ARNT: variants seen among roughly 807,000 people sequenced by gnomAD.
The protein encoded by ARNT is aryl hydrocarbon receptor nuclear translocator, also known as class E basic helix-loop-helix protein 2.
A neutral mutation model predicts 105.0 loss-of-function variants in ARNT; 30 were observed. That is an observed-to-expected ratio of 0.29 (90% CI 0.21 to 0.39). The LOEUF is 0.39. Among genes scored for constraint, ARNT ranks in the 10% least tolerant of loss-of-function variants. ARNT has a pLI of 1.00. For missense variants in ARNT, 748 were observed against 978.7 expected (o/e 0.76, Z 3.15); for synonymous variants, 304 against 344.0 (o/e 0.88, Z 1.29).
At chr1:150,871,944 T>G in intron 1 of ARNT, among the ~76,000 whole-genome samples, 1 of 114,046 alleles carries the variant, frequency 8.8e-6, no homozygotes. Context: ...GCCTTTGCAA[T>G]ATAATAAAAT....
At chr1:150,854,541 G>A (rs971919683) in intron 2 of ARNT, among the ~76,000 whole-genome samples, 1 of 151,550 alleles carries the variant, frequency 6.6e-6, no homozygotes, top group Admixed American at 6.6e-5. Context: ...CAACCTCAGT[G>A]ACATGGCAAG....
chr1:150,834,419 TGG>T, intron 8 of ARNT, 117 bp downstream of exon 8: 1 of 912,440 alleles, frequency 1.1e-6, no homozygotes, highest in South Asian at 1.6e-5. Flanking sequence ...ACAATCCATC[TGG>T]GTATGGAGAG....
intron 1 of ARNT, among the ~76,000 whole-genome samples, chr1:150,863,501 A>G (rs1042019067): frequency 1.3e-5 from 2 of 152,072 alleles, no homozygotes; most frequent in Non-Finnish European, 2.9e-5. Context: ...CCCATGGGGA[A>G]GTTTCAAAAA....
At chr1:150,842,935 G>A (rs3768013) in intron 4 of ARNT, among the ~76,000 whole-genome samples, 63,797 of 151,788 alleles carry the variant, frequency 0.42, 13,831 homozygotes, top group South Asian at 0.54. Flanking sequence ...CTATAATGAA[G>A]AAATTAAAGA....
intron 12 of ARNT, among the ~76,000 whole-genome samples, chr1:150,828,232 TCTCCTAGG>T (rs1299066388): frequency 6.6e-6 from 1 of 152,098 alleles, no homozygotes; most frequent in African/African-American, 2.4e-5. Flanking sequence ...ACAAAGATTT[TCTCCTAGG>T]AGTTTATTTG....
chr1:150,813,448 C>T, intron 20 of ARNT, 110 bp from the exon 21 acceptor site: 2 of 1,094,048 alleles, frequency 1.8e-6, no homozygotes, highest in Non-Finnish European at 2.5e-6. Context: ...CCTAGGATAA[C>T]TCTGTCCTTC....
At position 150,876,547 on chromosome 1, in the gene ARNT, GT is replaced by G; in HGVS notation, c.20del (p.Asn7ThrfsTer4). The stretch of plus-strand genomic sequence containing the variant: ...CCCAGTCCTCCGTCTCCTCACCGGG[GT>G]TGGCAGTAGTCGCCGCCATGGCCGC... MAATTANPEMTSDVPSL... is the reference protein window; with the variant it reads MAATTAXPEMTSDVPSL... On this transcript the variant is annotated frameshift_variant, in exon 1 of 22. Transcript: ENST00000358595. LOFTEE classifies it high-confidence loss of function. 1 of 1,550,572 alleles carries G rather than the reference GT, an allele frequency of 6.4e-7. No individual in the cohort carries two copies. Among genetic ancestry groups the G allele is most frequent in the Non-Finnish European group, 8.7e-7 (1 of 1,147,762 alleles).
intron 5 of ARNT, among the ~76,000 whole-genome samples, chr1:150,841,640 GA>G (rs1661321288): frequency 6.6e-6 from 1 of 152,174 alleles, no homozygotes; most frequent in South Asian, 2.1e-4. Context: ...CTAGAAAACA[GA>G]AAAGTCTATG....
At chr1:150,838,623 T>C (rs1398399923) in intron 6 of ARNT, among the ~76,000 whole-genome samples, 1 of 152,246 alleles carries the variant, frequency 6.6e-6, no homozygotes, top group Non-Finnish European at 1.5e-5. Flanking sequence ...ATTAAATTGG[T>C]GGCATTAAGG....
chr1:150,838,465 T>C (rs1035674308), intron 6 of ARNT, among the ~76,000 whole-genome samples: 2 of 152,242 alleles, frequency 1.3e-5, no homozygotes, highest in South Asian at 2.1e-4. Context: ...CTGGAGTCTG[T>C]TGAATACTTG....
At chr1:150,823,069 AC>A in intron 14 of ARNT, 124 bp downstream of exon 14, 1 of 973,716 alleles carries the variant, frequency 1.0e-6, no homozygotes, top group Non-Finnish European at 1.4e-6. Context: ...GGCACATGCC[AC>A]CACGCCCGGC....
chr1:150,864,133 T>A (rs1325188526), intron 1 of ARNT, among the ~76,000 whole-genome samples: 3 of 152,226 alleles, frequency 2.0e-5, no homozygotes, highest in Non-Finnish European at 4.4e-5. Flanking sequence ...TGTAGGCAAC[T>A]ATAACTCAGT....
At chr1:150,841,171 C>T (rs1432679291) in intron 5 of ARNT, among the ~76,000 whole-genome samples, 1 of 150,952 alleles carries the variant, frequency 6.6e-6, no homozygotes, top group Non-Finnish European at 1.5e-5. Flanking sequence ...AGGATATTCT[C>T]CATCTCTTGA....
chr1:150,835,471 C>A (rs1202943484), intron 7 of ARNT, among the ~76,000 whole-genome samples: 1 of 152,064 alleles, frequency 6.6e-6, no homozygotes, highest in East Asian at 1.9e-4. Flanking sequence ...AGTGTGGTGA[C>A]ATGAACTACT....
chr1:150,825,859 A>C (rs72704639), intron 13 of ARNT, among the ~76,000 whole-genome samples: 61,611 of 150,038 alleles, frequency 0.41, 13,113 homozygotes, highest in South Asian at 0.53. Context: ...AAAAAAAAAA[A>C]ACTATATAAA....
At chr1:150,848,958 C>T (rs1278419414) in intron 3 of ARNT, among the ~76,000 whole-genome samples, 1 of 152,152 alleles carries the variant, frequency 6.6e-6, no homozygotes, top group Non-Finnish European at 1.5e-5. Context: ...AATCCCAGCA[C>T]TTTGGGAGGC....
chr1:150,822,411 G>A (rs2101696632), intron 14 of ARNT, among the ~76,000 whole-genome samples: 1 of 152,164 alleles, frequency 6.6e-6, no homozygotes, highest in South Asian at 2.1e-4. Flanking sequence ...AGGGGAGCCG[G>A]TACCTAAGGT....
At chr1:150,872,967 G>GA (rs1667688984) in intron 1 of ARNT, among the ~76,000 whole-genome samples, 1 of 151,094 alleles carries the variant, frequency 6.6e-6, no homozygotes, top group Non-Finnish European at 1.5e-5. Flanking sequence ...CTCCTATGGG[G>GA]AAAAAAAATG....
At chr1:150,814,833 T>A (rs1571169293) in intron 19 of ARNT, among the ~76,000 whole-genome samples, 2 of 137,902 alleles carry the variant, frequency 1.5e-5, no homozygotes, top group South Asian at 4.2e-4. Flanking sequence ...ACAGCGAGAC[T>A]CTGTCTCAAA....
Sources: gnomAD v4.1 joint callset for allele counts (sites outside exome capture counted in the v4.1 genomes callset) on GRCh38, gnomAD v4.1.1 for gene constraint, MANE v1.5 for transcripts, NCBI Gene and HGNC (gene_info 2026-07-23, HGNC 2026-07-21) for gene names.